STK4: variants seen among roughly 807,000 people sequenced by gnomAD.
STK4 encodes serine/threonine-protein kinase 4.
STK4 carries 30 observed loss-of-function variants against 64.9 expected under a neutral mutation model. The ratio of observed to expected loss-of-function variants is 0.46; its 90% CI spans 0.35 to 0.63. The LOEUF (loss-of-function observed/expected upper bound fraction) is 0.63, where lower values mean the gene tolerates loss of function less well. Ranked by LOEUF, STK4 falls within the 20% of genes least tolerant of loss-of-function variation. The pLI is 0.01. For synonymous variants in STK4, 177 were observed against 199.0 expected (o/e 0.89, Z 0.93); for missense variants, 466 against 598.5 (o/e 0.78, Z 2.31).
intron 4 of STK4, among the ~76,000 whole-genome samples, chr20:44,986,188 A>G (rs6103947): frequency 0.062 from 9,377 of 152,248 alleles, 962 homozygotes; most frequent in African/African-American, 0.21. Context: ...AATGGGTAAT[A>G]TGTCAGATGG....
intron 9 of STK4, among the ~76,000 whole-genome samples, chr20:45,005,383 C>T (rs552902683): frequency 2.0e-5 from 3 of 152,014 alleles, no homozygotes; most frequent in East Asian, 2.0e-4. Flanking sequence ...CTGTGGCTCA[C>T]GCCTGTAATC....
chr20:45,065,426 T>C (rs1209818677), intron 10 of STK4, among the ~76,000 whole-genome samples: 1 of 152,130 alleles, frequency 6.6e-6, no homozygotes, highest in Non-Finnish European at 1.5e-5. Flanking sequence ...TTTGTTTTTG[T>C]TTTTTGGTGG....
intron 10 of STK4, among the ~76,000 whole-genome samples, chr20:45,062,657 G>GT (rs1049692716): frequency 1.9e-4 from 28 of 151,080 alleles, no homozygotes; most frequent in African/African-American, 2.2e-4. Context: ...TTACTGTGGG[G>GT]TTTTTTTTTG....
chr20:45,041,255 C>T (rs975659173), intron 10 of STK4, among the ~76,000 whole-genome samples: 3 of 151,946 alleles, frequency 2.0e-5, no homozygotes, highest in Non-Finnish European at 4.4e-5. Context: ...ATTCCTATCT[C>T]CTCTGTTTCC....
chr20:45,033,703 C>G (rs1020312164), intron 10 of STK4, among the ~76,000 whole-genome samples: 20 of 152,122 alleles, frequency 1.3e-4, no homozygotes, highest in Admixed American at 6.6e-4. Flanking sequence ...CCTCAGCCTC[C>G]TGAATAGCTG....
intron 1 of STK4, among the ~76,000 whole-genome samples, chr20:44,968,323 G>A (rs186948717): frequency 1.3e-5 from 2 of 152,298 alleles, no homozygotes; most frequent in East Asian, 3.9e-4. Context: ...AGTTTTAGTA[G>A]AGACGGGGTT....
chr20:44,973,264 T>C (rs1185031571), intron 2 of STK4: 1 of 152,218 alleles, frequency 6.6e-6, no homozygotes, highest in Non-Finnish European at 1.5e-5. Context: ...ATGATTTACC[T>C]CCTTGTAAAA....
intron 10 of STK4, chr20:45,053,135 G>A: frequency 6.2e-7 from 1 of 1,612,766 alleles, no homozygotes; most frequent in African/African-American, 1.3e-5. Flanking sequence ...ATCCAAAATT[G>A]CCAGGGAAAC....
At chr20:45,068,406 C>G (rs1380589590) in intron 10 of STK4, among the ~76,000 whole-genome samples, 3 of 152,172 alleles carry the variant, frequency 2.0e-5, no homozygotes, top group East Asian at 3.9e-4. Flanking sequence ...GCAGCAGCAC[C>G]ATGTGTGTAG....
chr20:45,005,265 A>C (rs1221593822), intron 9 of STK4, among the ~76,000 whole-genome samples: 1 of 152,214 alleles, frequency 6.6e-6, no homozygotes, highest in Non-Finnish European at 1.5e-5. Flanking sequence ...AATAAGAAAA[A>C]GGATTTAAGA....
At chr20:45,022,001 C>T (rs184290627) in intron 9 of STK4, among the ~76,000 whole-genome samples, 22 of 152,232 alleles carry the variant, frequency 1.4e-4, no homozygotes, top group Non-Finnish European at 2.6e-4. Context: ...TTACCAAGAT[C>T]GTGTAGTCAG....
chr20:44,994,790 A>G (rs535619697), intron 5 of STK4, among the ~76,000 whole-genome samples: 47 of 152,218 alleles, frequency 3.1e-4, no homozygotes, highest in African/African-American at 1.1e-3. Context: ...TTTCTATGCT[A>G]TTATCAGCAT....
At chr20:45,014,084 CTGTTT>C (rs1387555872) in intron 9 of STK4, among the ~76,000 whole-genome samples, 1 of 152,066 alleles carries the variant, frequency 6.6e-6, no homozygotes, top group Non-Finnish European at 1.5e-5. Context: ...AGAATTTCTT[CTGTTT>C]TATTTGATCA....
intron 6 of STK4, among the ~76,000 whole-genome samples, chr20:44,996,412 C>T (rs6031923): frequency 0.53 from 80,019 of 151,924 alleles, 22,248 homozygotes; most frequent in African/African-American, 0.69. Flanking sequence ...TCTTCTCTGA[C>T]TAATTAATTC....
At chr20:45,066,147 CATT>C (rs1332145610) in intron 10 of STK4, among the ~76,000 whole-genome samples, 3 of 151,220 alleles carry the variant, frequency 2.0e-5, no homozygotes, top group East Asian at 3.9e-4. Flanking sequence ...TATATACACA[CATT>C]ATATACATAT....
intron 10 of STK4, among the ~76,000 whole-genome samples, chr20:45,044,443 C>T (rs557060811): frequency 1.3e-5 from 2 of 152,180 alleles, no homozygotes; most frequent in South Asian, 4.2e-4. Flanking sequence ...CCCAGGAGTT[C>T]AAGGCCAGTC....
intron 5 of STK4, among the ~76,000 whole-genome samples, chr20:44,993,370 A>ACACT (rs1274206596): frequency 6.6e-6 from 1 of 152,190 alleles, no homozygotes; most frequent in Non-Finnish European, 1.5e-5. Context: ...GGGTTAGTGT[A>ACACT]CACTCATTGC....
rs1334524174 is a variant in STK4, at chr20:45,078,014, T to C, written c.*2838T>C. 1 of 152,186 alleles carries C rather than the reference T, an allele frequency of 6.6e-6. No homozygotes were observed. Among genetic ancestry groups the C allele is most frequent in the Non-Finnish European group, 1.5e-5 (1 of 68,042 alleles). 9.4% of individuals were successfully genotyped at this position (152,186 alleles called of 1,614,324 possible). A position where few individuals can be genotyped will look rare whatever the true frequency, so the allele number is the denominator to read the frequency against. Reference sequence around the variant, plus strand: ...GCAAAGGAACAAGTCCTAGTTGTTGTTGTTGTTGTTGAATACTAAATTTAA... The same window carrying C: ...GCAAAGGAACAAGTCCTAGTTGTTGCTGTTGTTGTTGAATACTAAATTTAA... On this transcript the variant is annotated 3_prime_UTR_variant, in exon 11 of 11. Coordinates refer to ENST00000372806, the MANE Select transcript of STK4 (RefSeq NM_006282.5).
rs115851874 is a variant in STK4, at chr20:45,061,397, C to A, written c.1306-13621C>A. 3.5e-3 allele frequency among the ~76,000 whole-genome samples: 533 copies of A among 152,156 alleles called. 2 individuals carry two copies. The highest frequency in any genetic ancestry group is 0.012 in the African/African-American group (491 of 41,498). ...AACAATTCATGAATTTTAAATTATG[C>A]GTCATCCTGAGTAGTATGAGGAAAC... On this transcript the variant is annotated intron_variant, in intron 10 of 10. Transcript: ENST00000372806.
Sources: allele counts gnomAD v4.1 joint callset (sites outside exome capture counted in the v4.1 genomes callset), GRCh38; gene constraint gnomAD v4.1.1; transcripts MANE v1.5; gene names NCBI Gene and HGNC (gene_info 2026-07-23, HGNC 2026-07-21).